KCNQ5: variants seen among roughly 807,000 people sequenced by gnomAD.
KCNQ5 encodes potassium voltage-gated channel subfamily KQT member 5.
In KCNQ5, 30 loss-of-function variants were observed where a neutral mutation model predicts 98.2. That is an observed-to-expected ratio of 0.31 (90% CI 0.23 to 0.41). The LOEUF (loss-of-function observed/expected upper bound fraction) is 0.41. Among genes scored for constraint, KCNQ5 ranks in the 10% least tolerant of loss-of-function variants. The pLI, the probability that KCNQ5 is intolerant of heterozygous loss-of-function variation, is 1.00. For missense variants in KCNQ5, 835 were observed against 1,182.5 expected, an observed-to-expected ratio of 0.71 and a Z score of 4.31; for synonymous variants, 458 against 449.4, an observed-to-expected ratio of 1.02 and a Z score of -0.24.
chr6:72,902,127 A>T lies in KCNQ5; in HGVS notation c.399-101781A>T, dbSNP rs1344064024. On this transcript the variant is annotated intron_variant, in intron 1 of 13. Transcript: ENST00000370398. Reference sequence around the variant, plus strand: ...TATTGTAAAAGGGGTTGTGTTCTTGATTTGATTTTCAGCTTGGTCGCTGTT... The same window carrying T: ...TATTGTAAAAGGGGTTGTGTTCTTGTTTTGATTTTCAGCTTGGTCGCTGTT... Among the ~76,000 whole-genome samples the T allele has an allele frequency of 2.0e-5, 3 of 152,044 alleles. No individual in the cohort carries two copies. The East Asian group carries it at 5.8e-4, about 29-fold the overall frequency.
intron 8 of KCNQ5, among the ~76,000 whole-genome samples, chr6:73,122,003 G>A (rs1460306381): frequency 2.6e-5 from 4 of 152,222 alleles, no homozygotes; most frequent in Admixed American, 2.6e-4. Context: ...CATGGATGCT[G>A]TTGAATGCAT....
chr6:72,748,294 A>AACT (rs1254658184), intron 1 of KCNQ5, among the ~76,000 whole-genome samples: 2 of 152,250 alleles, frequency 1.3e-5, no homozygotes, highest in African/African-American at 4.8e-5. Context: ...CTTCAGTATC[A>AACT]ACTTGTTGGT....
At chr6:72,625,046 T>G (rs1168958589) in intron 1 of KCNQ5, among the ~76,000 whole-genome samples, 1 of 152,204 alleles carries the variant, frequency 6.6e-6, no homozygotes, top group Non-Finnish European at 1.5e-5. Context: ...ACAGTATTTG[T>G]AGCATATTAA....
chr6:73,018,307 G>T (rs995090399), intron 2 of KCNQ5, among the ~76,000 whole-genome samples: 7 of 152,076 alleles, frequency 4.6e-5, no homozygotes, highest in African/African-American at 1.7e-4. Flanking sequence ...GATGCCCAGG[G>T]TCACTGTAGC....
At chr6:72,726,127 A>G (rs187363854) in intron 1 of KCNQ5, among the ~76,000 whole-genome samples, 230 of 152,212 alleles carry the variant, frequency 1.5e-3, no homozygotes, top group Admixed American at 1.8e-3. Context: ...TTAATTCACA[A>G]TAATAACATG....
At chr6:73,059,321 C>G (rs1772671082) in intron 3 of KCNQ5, among the ~76,000 whole-genome samples, 2 of 152,264 alleles carry the variant, frequency 1.3e-5, no homozygotes, top group African/African-American at 4.8e-5. Context: ...AACAGAAAAC[C>G]AAATACACAT....
rs142199546 is a variant in KCNQ5 at position 73,176,043 on chromosome 6, G to A, written c.1577+6189G>A. Reference sequence around the variant, plus strand: ...GGTTGAAGGTGGAGGACAAGGATGAGGAGAGTAAGGCTGAAGAGAAGAGCA... The same window carrying A: ...GGTTGAAGGTGGAGGACAAGGATGAAGAGAGTAAGGCTGAAGAGAAGAGCA... On this transcript the variant is annotated intron_variant, in intron 11 of 13. Coordinates refer to ENST00000370398, the MANE Select transcript of KCNQ5 (RefSeq NM_019842.4). Among the ~76,000 whole-genome samples the A allele has an allele frequency of 4.4e-3, 664 of 152,322 alleles. 4 individuals are homozygous for A. Among genetic ancestry groups the A allele is most frequent in the African/African-American group, 0.015 (630 of 41,572 alleles).
At chr6:72,866,351 C>T (rs1011788047) in intron 1 of KCNQ5, among the ~76,000 whole-genome samples, 1 of 149,734 alleles carries the variant, frequency 6.7e-6, no homozygotes, top group Admixed American at 6.7e-5. Context: ...ACCTCCCAGG[C>T]TCAGGTGATC....
chr6:72,956,000 T>C (rs1582084215), intron 1 of KCNQ5, among the ~76,000 whole-genome samples: 1 of 152,276 alleles, frequency 6.6e-6, no homozygotes, highest in East Asian at 1.9e-4. Flanking sequence ...AGGTACTAAA[T>C]CATTTAGCCT....
chr6:73,196,009 A>C lies in KCNQ5; in HGVS notation c.*595A>C, dbSNP rs1765778755. ...TGGTGATTTAGCGCTGTGGCAAGCA[A>C]TTTTGCACATCATTTTCATGTTGTT... On this transcript the variant is annotated 3_prime_UTR_variant, in exon 14 of 14. Coordinates refer to ENST00000370398, the MANE Select transcript of KCNQ5 (RefSeq NM_019842.4). 6.5e-6 allele frequency: 1 copy of C among 153,190 alleles called. No individual in the cohort carries two copies. The highest frequency in any genetic ancestry group is 1.5e-5 in the Non-Finnish European group (1 of 68,460). The allele number at this position is 153,190 out of a possible 1,614,324, so 9.5% of individuals were successfully genotyped here. A position where few individuals can be genotyped will look rare whatever the true frequency, so the allele number is the denominator to read the frequency against.
At position 73,038,263 on chromosome 6, in the gene KCNQ5, T is replaced by A. The variant is rs528963860; in HGVS notation, c.490-3673T>A. 1.8e-4 allele frequency among the ~76,000 whole-genome samples: 27 copies of A among 152,214 alleles called. No homozygotes were observed. In the South Asian group the frequency reaches 5.6e-3, roughly 32 times the overall value. Reference sequence around the variant, plus strand: ...AGTGAACTCACTTGTTTCAAGAGTGTCTTCGTAGATTTCTTGGGATTTTTC... The same window carrying A: ...AGTGAACTCACTTGTTTCAAGAGTGACTTCGTAGATTTCTTGGGATTTTTC... On this transcript the variant is annotated intron_variant, in intron 2 of 13. Coordinates refer to ENST00000370398, the MANE Select transcript of KCNQ5 (RefSeq NM_019842.4).
intron 1 of KCNQ5, among the ~76,000 whole-genome samples, chr6:72,711,381 G>A (rs1346119889): frequency 1.3e-5 from 2 of 152,178 alleles, no homozygotes; most frequent in Non-Finnish European, 2.9e-5. Flanking sequence ...TGTTATGGCA[G>A]CAGTAGCAGA....
At chr6:72,755,704 T>C (rs1332028887) in intron 1 of KCNQ5, among the ~76,000 whole-genome samples, 1 of 152,218 alleles carries the variant, frequency 6.6e-6, no homozygotes, top group Non-Finnish European at 1.5e-5. Context: ...ATTGTAACTA[T>C]GCTTGATTTA....
At chr6:72,655,029 T>TTTCTTTCTTTCC (rs1565060154) in intron 1 of KCNQ5, among the ~76,000 whole-genome samples, 3 of 52,380 alleles carry the variant, frequency 5.7e-5, no homozygotes, top group Non-Finnish European at 1.2e-4. Context: ...TCTGTCTGTC[T>TTTCTTTCTTTCC]TTCTTTCTTT....
At chr6:72,759,511 A>G (rs1298369569) in intron 1 of KCNQ5, among the ~76,000 whole-genome samples, 3 of 152,138 alleles carry the variant, frequency 2.0e-5, no homozygotes, top group Non-Finnish European at 2.9e-5. Flanking sequence ...ATGTTTTGGA[A>G]TAATTATATC....
chr6:73,043,540 C>T (rs1189519922), intron 3 of KCNQ5, among the ~76,000 whole-genome samples: 3 of 152,186 alleles, frequency 2.0e-5, no homozygotes, highest in African/African-American at 4.8e-5. Context: ...GAATTCTCTA[C>T]TCAGGCAGCA....
intron 1 of KCNQ5, among the ~76,000 whole-genome samples, chr6:72,737,026 T>G (rs1257610009): frequency 6.6e-6 from 1 of 151,920 alleles, no homozygotes. Context: ...AGTGGCGCGA[T>G]CTCAGCTCAC....
At chr6:72,986,616 C>T (rs956890023) in intron 1 of KCNQ5, 15 of 676,160 alleles carry the variant, frequency 2.2e-5, no homozygotes, top group East Asian at 5.2e-5. Context: ...CCTGACACCA[C>T]GCTGCGTGCC....
At chr6:72,701,606 G>T (rs1768812322) in intron 1 of KCNQ5, among the ~76,000 whole-genome samples, 1 of 152,032 alleles carries the variant, frequency 6.6e-6, no homozygotes, top group Admixed American at 6.6e-5. Context: ...AGAGTTGGGG[G>T]TCTCATTCTG....
Sources: gnomAD v4.1 joint callset for allele counts (sites outside exome capture counted in the v4.1 genomes callset) on GRCh38, gnomAD v4.1.1 for gene constraint, MANE v1.5 for transcripts, NCBI Gene and HGNC (gene_info 2026-07-23, HGNC 2026-07-21) for gene names.